USP34: variants seen among roughly 807,000 people sequenced by gnomAD.
USP34 encodes ubiquitin carboxyl-terminal hydrolase 34.
A neutral mutation model predicts 460.3 loss-of-function variants in USP34; 70 were observed. The observed-to-expected ratio is 0.15, with a 90% CI of 0.13 to 0.19. The LOEUF (loss-of-function observed/expected upper bound fraction) is 0.19, where lower values mean the gene tolerates loss of function less well. Ranked by LOEUF, USP34 falls within the 10% of genes least tolerant of loss-of-function variation. The pLI, the probability that USP34 is intolerant of heterozygous loss-of-function variation, is 1.00. For missense variants in USP34, 3,985 were observed against 4,236.2 expected (o/e 0.94, Z 1.65); for synonymous variants, 1,647 against 1,405.3 (o/e 1.17, Z -3.85).
rs765604443 is a variant in USP34 at position 61,229,655 on chromosome 2, A to C, written c.7114-22T>G. ...ACATCTGTGAAGAAAGAAAAAGATC[A>C]AACAAGAGCCAACTCATCAGGTAAC... On this transcript the variant is annotated intron_variant, in intron 58 of 79. Transcript: ENST00000398571. 5.0e-6 allele frequency: 8 copies of C among 1,591,344 alleles called. No individual in the cohort carries two copies. The East Asian group carries it at 1.6e-4, about 31-fold the overall frequency.
chr2:61,287,108 T>C (rs1689713074), intron 34 of USP34, among the ~76,000 whole-genome samples: 2 of 152,232 alleles, frequency 1.3e-5, no homozygotes, highest in African/African-American at 4.8e-5. Context: ...TATTTCGTTT[T>C]ATTAGATGTA....
intron 3 of USP34, among the ~76,000 whole-genome samples, chr2:61,400,822 C>A (rs1208835408): frequency 6.6e-6 from 1 of 152,044 alleles, no homozygotes; most frequent in Non-Finnish European, 1.5e-5. Context: ...GTGTACTACT[C>A]CAGCCTGAGT....
intron 21 of USP34, among the ~76,000 whole-genome samples, chr2:61,321,247 C>A (rs1690911156): frequency 6.6e-6 from 1 of 151,546 alleles, no homozygotes; most frequent in African/African-American, 2.4e-5. Context: ...CTGAGGCAGG[C>A]AGATCATGAG....
chr2:61,257,472 G>C (rs1310563931), intron 44 of USP34, 122 bp from the exon 45 acceptor site: 1 of 692,570 alleles, frequency 1.4e-6, no homozygotes, highest in Non-Finnish European at 2.1e-6. Flanking sequence ...AGTTTTAAAT[G>C]GTTGCTTCTA....
rs114735399 is a variant in USP34, at chr2:61,368,599, A to T, written c.1251+1722T>A. Among the ~76,000 whole-genome samples the T allele has an allele frequency of 3.4e-3, 515 of 152,336 alleles. 2 individuals are homozygous for T. The highest frequency in any genetic ancestry group is 0.011 in the African/African-American group (447 of 41,578). ...ATTACCCAGTCAAGAAAAAATTGGT[A>T]TATCAAGTCAGAAAGAAGAGTTAGT... On this transcript the variant is annotated intron_variant, in intron 10 of 79. Transcript: ENST00000398571.
At chr2:61,470,262 T>C (rs528864939) in intron 1 of USP34, among the ~76,000 whole-genome samples, 94 of 152,260 alleles carry the variant, frequency 6.2e-4, no homozygotes, top group Non-Finnish European at 1.1e-3. Context: ...GCCGGAGGAT[T>C]TGGACTGCGG....
intron 75 of USP34, among the ~76,000 whole-genome samples, chr2:61,195,952 G>A (rs1024699669): frequency 4.0e-5 from 6 of 150,778 alleles, no homozygotes; most frequent in Non-Finnish European, 4.4e-5. Flanking sequence ...TATCACCCAC[G>A]CTGGAGGACA....
At position 61,236,066 on chromosome 2, in the gene USP34, G is replaced by C. The variant is rs1251902435; in HGVS notation, c.6926C>G (p.Thr2309Ser). The change falls in exon 56 of 80, where the codon ACT (threonine) becomes AGT (serine). Residue 2309 changes from threonine to serine, a missense_variant. Thr to Ser is a moderately conservative substitution (Grantham distance 58). This residue lies in a region of USP34 where 604 missense variants were observed against 684.8 expected (regional missense o/e 0.88). Coordinates refer to ENST00000398571, the MANE Select transcript of USP34 (RefSeq NM_014709.4). ...AATAAATGTCTCTAGGACAAAGGAA[G>C]TGCTTAACTGTAAGAAAAGATAAAG... ...AVSLMTAKLS[T>S]SFVLETFIHS... is the part of the protein sequence containing the mutation. The C allele has an allele frequency of 1.9e-6, 3 of 1,605,414 alleles. No individual in the cohort carries two copies. The highest frequency in any genetic ancestry group is 2.2e-5 in the East Asian group (1 of 44,774).
intron 21 of USP34, 116 bp from the exon 22 acceptor site, chr2:61,319,443 T>G: frequency 3.2e-6 from 2 of 633,878 alleles, no homozygotes; most frequent in Non-Finnish European, 4.7e-6. Flanking sequence ...TTCTTGGAAA[T>G]TGCAATTTTA....
In USP34 at chr2:61,222,855, C is replaced by T. The variant is rs988738168; in HGVS notation, c.7750-192G>A. 8.8e-6 allele frequency: 6 copies of T among 680,700 alleles called. No individual in the cohort carries two copies. In the African/African-American group the frequency reaches 1.1e-4, roughly 12 times the overall value. 42.2% of individuals were successfully genotyped at this position (680,700 alleles called of 1,614,324 possible). A position where few individuals can be genotyped will look rare whatever the true frequency, so the allele number is the denominator to read the frequency against. ...GGACTACAGGCATGTGCCACTACACCCGGCTAGATTTTTCTATTTTGTGTA... is the reference window on the plus strand; with the variant it reads ...GGACTACAGGCATGTGCCACTACACTCGGCTAGATTTTTCTATTTTGTGTA... On this transcript the variant is annotated intron_variant, in intron 64 of 79. Coordinates refer to ENST00000398571, the MANE Select transcript of USP34 (RefSeq NM_014709.4).
chr2:61,288,869 T>C lies in USP34; in HGVS notation c.4557A>G (p.Leu1519=), dbSNP rs1352613685. 1.1e-5 allele frequency: 18 copies of C among 1,612,486 alleles called. No individual in the cohort carries two copies. Among genetic ancestry groups the C allele is most frequent in the Admixed American group, 6.7e-5 (4 of 59,982 alleles). The part of the protein sequence containing the change: ...KEQESWTVWQ[L]DCLACLLKLI... Reference sequence around the variant, plus strand: ...ACTTCAGCAAGCAAGCAAGACAGTCTAGCTGCCACTGTAAATGAGAAGAAA... The same window carrying C: ...ACTTCAGCAAGCAAGCAAGACAGTCCAGCTGCCACTGTAAATGAGAAGAAA... Residue 1519 remains leucine (L), a synonymous_variant, in exon 34 of 80, where the codon CTA becomes CTG. Coordinates refer to ENST00000398571, the MANE Select transcript of USP34 (RefSeq NM_014709.4).
At chr2:61,243,860 C>G (rs1454609292) in intron 51 of USP34, among the ~76,000 whole-genome samples, 1 of 148,282 alleles carries the variant, frequency 6.7e-6, no homozygotes, top group African/African-American at 2.5e-5. Context: ...CAGAGTGAGA[C>G]TGTCTCAAAA....
intron 1 of USP34, among the ~76,000 whole-genome samples, chr2:61,449,709 G>C (rs1199362289): frequency 6.6e-6 from 1 of 152,142 alleles, no homozygotes; most frequent in Admixed American, 6.6e-5. Context: ...CCAAGACCAT[G>C]CAACAGAAAG....
chr2:61,405,254 A>AAAAGAAAGAAAG (rs1553384297), intron 3 of USP34, among the ~76,000 whole-genome samples: 38 of 97,392 alleles, frequency 3.9e-4, no homozygotes, highest in Admixed American at 7.2e-4. Context: ...AAAAAAAAAA[A>AAAAGAAAGAAAG]AAAGAAAGAA....
intron 41 of USP34, chr2:61,277,751 A>T (rs1689414064): frequency 6.4e-6 from 1 of 157,474 alleles, no homozygotes; most frequent in Admixed American, 6.4e-5. Flanking sequence ...CCCAAATCTC[A>T]TCTTGAATTA....
At chr2:61,215,144 A>G (rs1414777518) in intron 67 of USP34, among the ~76,000 whole-genome samples, 1 of 152,224 alleles carries the variant, frequency 6.6e-6, no homozygotes. Context: ...TTGTAATAAC[A>G]TACAGATATG....
At chr2:61,334,089 C>T (rs1320815126) in intron 18 of USP34, 118 bp from the exon 19 acceptor site, 3 of 612,504 alleles carry the variant, frequency 4.9e-6, no homozygotes, top group East Asian at 3.5e-5. Context: ...CATATTATTA[C>T]ACAAACATTA....
At chr2:61,317,182 T>C (rs1690775592) in intron 23 of USP34, among the ~76,000 whole-genome samples, 1 of 152,210 alleles carries the variant, frequency 6.6e-6, no homozygotes, top group Non-Finnish European at 1.5e-5. Context: ...ACACCCAATG[T>C]TATCTTTCAT....
At chr2:61,294,599 T>C (rs879288789) in intron 32 of USP34, among the ~76,000 whole-genome samples, 2 of 152,024 alleles carry the variant, frequency 1.3e-5, no homozygotes, top group Admixed American at 6.6e-5. Context: ...TTTGCATTTT[T>C]AGTAGAGACA....
Sources: allele counts gnomAD v4.1 joint callset (sites outside exome capture counted in the v4.1 genomes callset), GRCh38; gene constraint gnomAD v4.1.1; regional missense constraint gnomAD v4.1.1; transcripts MANE v1.5; gene names NCBI Gene and HGNC (gene_info 2026-07-23, HGNC 2026-07-21).